PARD3: variants seen among roughly 807,000 people sequenced by gnomAD.
PARD3 encodes par-3 family cell polarity regulator.
Under a neutral mutation model 155.4 loss-of-function variants are expected in PARD3, and 75 were observed. The ratio of observed to expected loss-of-function variants is 0.48; its 90% CI spans 0.40 to 0.58. PARD3 has a LOEUF of 0.58. PARD3 is among the 20% of genes least tolerant of loss of function. The pLI is 0.00. For missense variants in PARD3, 1,642 were observed against 1,721.7 expected (o/e 0.95, Z 0.82); for synonymous variants, 576 against 610.5 (o/e 0.94, Z 0.83).
At chr10:34,448,015 T>G (rs2076844559) in intron 5 of PARD3, among the ~76,000 whole-genome samples, 1 of 152,008 alleles carries the variant, frequency 6.6e-6, no homozygotes, top group African/African-American at 2.4e-5. Context: ...AATCACTATA[T>G]CAAAGACATA....
intron 22 of PARD3, among the ~76,000 whole-genome samples, chr10:34,215,508 C>T (rs886468443): frequency 2.0e-5 from 3 of 152,168 alleles, no homozygotes; most frequent in African/African-American, 4.8e-5. Context: ...GCTCTGTGAA[C>T]ATCTTTTACA....
intron 22 of PARD3, among the ~76,000 whole-genome samples, chr10:34,171,067 TAAAC>T (rs1315943584): frequency 6.6e-6 from 1 of 152,200 alleles, no homozygotes; most frequent in Non-Finnish European, 1.5e-5. Flanking sequence ...TCCTCCACCA[TAAAC>T]ACTCACTCTT....
At chr10:34,119,841 T>A in intron 23 of PARD3, 101 bp from the exon 24 acceptor site, 3 of 1,127,836 alleles carry the variant, frequency 2.7e-6, no homozygotes, top group Non-Finnish European at 3.6e-6. Flanking sequence ...ACTTTGAAAA[T>A]TTTGAAAATT....
intron 2 of PARD3, among the ~76,000 whole-genome samples, chr10:34,632,428 C>T (rs1291475566): frequency 6.6e-6 from 1 of 152,188 alleles, no homozygotes; most frequent in Non-Finnish European, 1.5e-5. Context: ...TGGGGCATCA[C>T]TTTTCTCCTA....
At chr10:34,414,899 C>G (rs1845513588) in intron 5 of PARD3, among the ~76,000 whole-genome samples, 1 of 152,016 alleles carries the variant, frequency 6.6e-6, no homozygotes, top group Non-Finnish European at 1.5e-5. Flanking sequence ...TCCCAAGTGC[C>G]TCTATACCAT....
intron 2 of PARD3, among the ~76,000 whole-genome samples, chr10:34,590,105 T>C (rs1275191272): frequency 2.0e-5 from 3 of 152,138 alleles, no homozygotes; most frequent in East Asian, 1.9e-4. Flanking sequence ...ACACCTTCTA[T>C]GAAAAACCAT....
At chr10:34,679,218 T>C (rs914177438) in intron 2 of PARD3, among the ~76,000 whole-genome samples, 5 of 152,106 alleles carry the variant, frequency 3.3e-5, no homozygotes, top group East Asian at 1.9e-4. Context: ...AACCCCTCAA[T>C]GGACGGCACA....
chr10:34,413,142 T>TACACACACACACACACACACAC (rs1336586740), intron 5 of PARD3, among the ~76,000 whole-genome samples: 8 of 132,548 alleles, frequency 6.0e-5, no homozygotes, highest in African/African-American at 2.1e-4. Context: ...TTCAGATATA[T>TACACACACACACACACACACAC]ATACACACAC....
At chr10:34,772,131 A>G (rs1838955779) in intron 1 of PARD3, among the ~76,000 whole-genome samples, 1 of 152,156 alleles carries the variant, frequency 6.6e-6, no homozygotes, top group Non-Finnish European at 1.5e-5. Context: ...TATAGCAGAA[A>G]ACCCAAGCTC....
At chr10:34,569,801 C>T (rs2086243196) in intron 2 of PARD3, among the ~76,000 whole-genome samples, 2 of 151,446 alleles carry the variant, frequency 1.3e-5, no homozygotes, top group Non-Finnish European at 2.9e-5. Context: ...AAAAATCTAA[C>T]CTCAGGAAAA....
intron 14 of PARD3, among the ~76,000 whole-genome samples, chr10:34,357,962 T>TA (rs1170195192): frequency 6.6e-6 from 1 of 152,230 alleles, no homozygotes; most frequent in Non-Finnish European, 1.5e-5. Context: ...AACGGTGCTT[T>TA]ATGTGTTTAT....
At chr10:34,502,536 A>G (rs1172617811) in intron 3 of PARD3, among the ~76,000 whole-genome samples, 1 of 152,208 alleles carries the variant, frequency 6.6e-6, no homozygotes, top group Non-Finnish European at 1.5e-5. Flanking sequence ...ATGATTTGTT[A>G]TAGCAAGAAT....
chr10:34,336,717 C>T (rs1836231633), intron 17 of PARD3, among the ~76,000 whole-genome samples: 1 of 152,088 alleles, frequency 6.6e-6, no homozygotes, highest in African/African-American at 2.4e-5. Flanking sequence ...TTTTCCTCCT[C>T]TCATTTGCTC....
In PARD3 at chr10:34,139,656, G is replaced by T. The variant is rs74627645; in HGVS notation, c.3420-8073C>A. Among the ~76,000 whole-genome samples the T allele has an allele frequency of 5.6e-3, 858 of 152,292 alleles. 4 individuals are homozygous for T. The highest frequency in any genetic ancestry group is 0.019 in the African/African-American group (775 of 41,568). On this transcript the variant is annotated intron_variant, in intron 22 of 24. Transcript: ENST00000374788. ...TGTAGGGCAGACCTGTCATGAAGCC[G>T]TAGTAACAGGCAGCCAGCAGTGACC... is the stretch of plus-strand genomic sequence containing the variant.
intron 2 of PARD3, among the ~76,000 whole-genome samples, chr10:34,668,931 A>G (rs554981775): frequency 5.6e-4 from 85 of 152,302 alleles, no homozygotes; most frequent in African/African-American, 2.0e-3. Flanking sequence ...CATTCATTCA[A>G]CAAATGTTTA....
chr10:34,192,150 C>G (rs932458853), intron 22 of PARD3, among the ~76,000 whole-genome samples: 1 of 152,032 alleles, frequency 6.6e-6, no homozygotes, highest in African/African-American at 2.4e-5. Context: ...TCATTGCAAC[C>G]TCTGCCTCCT....
rs201745976 is a variant in PARD3, at chr10:34,269,822, C to G, written c.3254G>C (p.Arg1085Pro). 6.2e-7 allele frequency: 1 copy of G among 1,613,836 alleles called. No individual in the cohort carries two copies. Among genetic ancestry groups the G allele is most frequent in the East Asian group, 2.2e-5 (1 of 44,840 alleles). Residue 1085 changes from arginine to proline, a missense_variant, in exon 22 of 25, where the codon CGG becomes CCG. This residue lies in a region of PARD3 where 1,529 missense variants were observed against 1,587.3 expected (regional missense o/e 0.96). Coordinates refer to ENST00000374788, the MANE Select transcript of PARD3 (RefSeq NM_001184785.2). The part of the protein sequence containing the change: ...RDYAEIQDFH[R>P]TFGCDDELMY... ...TAACTCATCATCACAGCCAAATGTC[C>G]GATGAAAATCTTGAATTTCAGCATA...
At chr10:34,468,566 T>TA (rs2078153612) in intron 4 of PARD3, among the ~76,000 whole-genome samples, 1 of 152,204 alleles carries the variant, frequency 6.6e-6, no homozygotes, top group South Asian at 2.1e-4. Flanking sequence ...TACTGCAAGA[T>TA]AAAGTCCTCA....
rs907879115 is a variant in PARD3 at position 34,375,014 on chromosome 10, C to G, written c.1540-12G>C. 1 of 1,600,068 alleles carries G rather than the reference C, an allele frequency of 6.2e-7. No individual in the cohort carries two copies. The highest frequency in any genetic ancestry group is 8.5e-7 in the Non-Finnish European group (1 of 1,171,858). On this transcript the variant is annotated splice_polypyrimidine_tract_variant and intron_variant, in intron 10 of 24. Coordinates refer to ENST00000374788, the MANE Select transcript of PARD3 (RefSeq NM_001184785.2). ...TCTACTCCATTTACCTAAAACAAAA[C>G]AAAAGTTTTCAGCTGTAATCCTGTG...
Sources: allele counts gnomAD v4.1 joint callset (sites outside exome capture counted in the v4.1 genomes callset), GRCh38; gene constraint gnomAD v4.1.1; regional missense constraint gnomAD v4.1.1; transcripts MANE v1.5; gene names NCBI Gene and HGNC (gene_info 2026-07-23, HGNC 2026-07-21).